The following CSTPP1 variants were observed in gnomAD, a reference collection of about 807,000 sequenced individuals.
CSTPP1 encodes centriolar satellite-associated tubulin polyglutamylase complex regulator 1.
chr11:47,047,768 T>C, the CSTPP1 span, among the ~76,000 whole-genome samples: 1 of 152,134 alleles, frequency 6.6e-6, no homozygotes, highest in South Asian at 2.1e-4. Flanking sequence ...ATATATCCAA[T>C]AAGGAATTAA....
At chr11:47,013,070 T>A in the CSTPP1 span, among the ~76,000 whole-genome samples, 1 of 145,684 alleles carries the variant, frequency 6.9e-6, no homozygotes, top group Non-Finnish European at 1.5e-5. Context: ...ACATATATAT[T>A]TTATTATATA....
chr11:47,081,234 A>AT, the CSTPP1 span, among the ~76,000 whole-genome samples: 181 of 152,188 alleles, frequency 1.2e-3, 1 homozygote, highest in African/African-American at 4.2e-3. Context: ...TTATTTGCTT[A>AT]TTTTTTTGAG....
chr11:47,045,657 A>G, the CSTPP1 span, among the ~76,000 whole-genome samples: 16 of 152,224 alleles, frequency 1.1e-4, no homozygotes, highest in Admixed American at 5.2e-4. Flanking sequence ...TTTCTTTAGC[A>G]AGAAATAATT....
At chr11:46,938,237 T>C in the CSTPP1 span, among the ~76,000 whole-genome samples, 1 of 151,824 alleles carries the variant, frequency 6.6e-6, no homozygotes, top group Non-Finnish European at 1.5e-5. Context: ...ACCTTGGGTC[T>C]CCCTCACTCA....
chr11:47,022,348 T>TTCA, the CSTPP1 span, among the ~76,000 whole-genome samples: 1 of 149,124 alleles, frequency 6.7e-6, no homozygotes, highest in Admixed American at 6.7e-5. Context: ...TTTCATATCT[T>TTCA]TCATATGTCC....
the CSTPP1 span, among the ~76,000 whole-genome samples, chr11:47,036,184 AT>A: frequency 9.5e-5 from 5 of 52,852 alleles, no homozygotes; most frequent in Admixed American, 3.3e-4. Context: ...ATATAAATAT[AT>A]ATTTATATTA....
chr11:46,966,915 G>T, the CSTPP1 span, among the ~76,000 whole-genome samples: 1 of 152,120 alleles, frequency 6.6e-6, no homozygotes, highest in Non-Finnish European at 1.5e-5. Context: ...AGGCTCAGAA[G>T]TCCAAGATCA....
the CSTPP1 span, among the ~76,000 whole-genome samples, chr11:47,070,085 A>G: frequency 6.6e-6 from 1 of 152,124 alleles, no homozygotes; most frequent in Admixed American, 6.5e-5. Flanking sequence ...CGCATTCTCT[A>G]AAGTAGATCT....
At chr11:47,011,968 G>T in the CSTPP1 span, among the ~76,000 whole-genome samples, 1 of 152,130 alleles carries the variant, frequency 6.6e-6, no homozygotes, top group Non-Finnish European at 1.5e-5. Flanking sequence ...TTCAGATAGT[G>T]ATAAATTCTA....
At chr11:47,054,942 T>A in the CSTPP1 span, among the ~76,000 whole-genome samples, 1 of 141,790 alleles carries the variant, frequency 7.1e-6, no homozygotes, top group Non-Finnish European at 1.5e-5. Context: ...TTTTTTTTTT[T>A]TTTTTTTTTT....
the CSTPP1 span, among the ~76,000 whole-genome samples, chr11:46,943,212 C>T: frequency 6.6e-6 from 1 of 152,146 alleles, no homozygotes; most frequent in East Asian, 1.9e-4. Context: ...TAAGAACTTA[C>T]TCTGTACCAG....
the CSTPP1 span, among the ~76,000 whole-genome samples, chr11:47,117,750 A>G: frequency 6.6e-6 from 1 of 151,980 alleles, no homozygotes; most frequent in Admixed American, 6.6e-5. Flanking sequence ...TATTCTCCCC[A>G]TCACTTTCAG....
At chr11:47,070,163 A>G in the CSTPP1 span, among the ~76,000 whole-genome samples, 2 of 152,286 alleles carry the variant, frequency 1.3e-5, no homozygotes, top group South Asian at 2.1e-4. Flanking sequence ...GTTGGAGAAC[A>G]TAAGTGCACT....
chr11:46,940,881 TG>T, the CSTPP1 span, among the ~76,000 whole-genome samples: 3 of 152,218 alleles, frequency 2.0e-5, no homozygotes, highest in Non-Finnish European at 4.4e-5. Context: ...TTCAGTTCCT[TG>T]GGTGTTTGCT....
the CSTPP1 span, among the ~76,000 whole-genome samples, chr11:47,067,595 G>A: frequency 6.6e-6 from 1 of 152,214 alleles, no homozygotes; most frequent in African/African-American, 2.4e-5. Context: ...AGATACCAGA[G>A]AGCTGCCCAT....
chr11:46,985,167 T>G, the CSTPP1 span, among the ~76,000 whole-genome samples: 196 of 152,136 alleles, frequency 1.3e-3, no homozygotes, highest in South Asian at 2.1e-3. Flanking sequence ...TTAGATAGAA[T>G]GAGTCACAGA....
chr11:47,147,324 G>C, the CSTPP1 span, among the ~76,000 whole-genome samples: 1 of 152,190 alleles, frequency 6.6e-6, no homozygotes, highest in African/African-American at 2.4e-5. Flanking sequence ...TGGAAAAGAA[G>C]CTAGGCTCTC....
the CSTPP1 span, among the ~76,000 whole-genome samples, chr11:47,033,227 TG>T: frequency 1.6e-5 from 1 of 61,370 alleles, no homozygotes; most frequent in Non-Finnish European, 3.6e-5. Flanking sequence ...TGGTGATTTC[TG>T]ATTTTTTTTG....
At chr11:46,970,551 AT>A in the CSTPP1 span, among the ~76,000 whole-genome samples, 470 of 151,920 alleles carry the variant, frequency 3.1e-3, 1 homozygote, top group South Asian at 6.6e-3. Context: ...ATATTAATGT[AT>A]TTTTTATAAC....
Sources: gnomAD v4.1 joint callset for allele counts (sites outside exome capture counted in the v4.1 genomes callset) on GRCh38, gnomAD v4.1.1 for gene constraint, MANE v1.5 for transcripts, NCBI Gene and HGNC (gene_info 2026-07-23, HGNC 2026-07-21) for gene names.